The following TTN variants were observed in gnomAD, a reference collection of about 807,000 sequenced individuals.
TTN encodes titin, also known as connectin.
Under a neutral mutation model 3,223.0 loss-of-function variants are expected in TTN, and 1,525 were observed. The observed-to-expected ratio is 0.47, with a 90% CI of 0.45 to 0.49. TTN has a LOEUF of 0.49. Among genes scored for constraint, TTN ranks in the 20% least tolerant of loss-of-function variants. The pLI, the probability that TTN is intolerant of heterozygous loss-of-function variation, is 0.00. For missense variants in TTN, 40,786 were observed against 43,424.0 expected (o/e 0.94, Z 5.40); for synonymous variants, 14,094 against 15,161.0 (o/e 0.93, Z 5.17).
At position 178,777,410 on chromosome 2, in the gene TTN, C is replaced by G; in HGVS notation, c.4645+10G>C. 6.2e-7 allele frequency: 1 copy of G among 1,612,576 alleles called. No individual in the cohort carries two copies. Among genetic ancestry groups the G allele is most frequent in the Non-Finnish European group, 8.5e-7 (1 of 1,179,314 alleles). ...GAAAATTCATTTATTTTTATTTTAT[C>G]TCATTTTACCTTCCACAGTTAAAAT... On this transcript the variant is annotated intron_variant, in intron 26 of 362. Transcript: ENST00000589042.
Position 178,775,625 on chromosome 2 carries a change from AT to A in TTN, c.6238del (p.Ile2080SerfsTer59). The A allele has an allele frequency of 6.2e-7, 1 of 1,614,076 alleles. No homozygotes were observed. Among genetic ancestry groups the A allele is most frequent in the Non-Finnish European group, 8.5e-7 (1 of 1,179,998 alleles). On this transcript the variant is annotated frameshift_variant, in exon 28 of 363. Transcript: ENST00000589042. LOFTEE classifies it high-confidence loss of function. ...TGTTTGGCTCTGGATTCTTTCGAAG[AT>A]TTTTGGAGCCTCCATACTAGGACTT... ...ELSPSMEAPK[I>X]FERIQSQTVG...
Position 178,575,533 on chromosome 2 carries a change from T to C in TTN, c.70599A>G (p.Pro23533=). The stretch of plus-strand genomic sequence containing the variant: ...TGATGTTAAGGCTGTCTGGTGGAGA[T>C]GGTGCTTCAGAGGCTTTTACGGGCT... ...TTEPVKASEA[P]SPPDSLNIMD... is the part of the protein sequence containing the mutation. The change falls in exon 326 of 363, where the codon CCA becomes CCG. Residue 23533 remains proline (P), a synonymous_variant. Coordinates refer to ENST00000589042, the MANE Select transcript of TTN (RefSeq NM_001267550.2). This position sits in a 1 kb window ranked among gnomAD's most constrained non-coding sequence, Gnocchi z 4.0. 6.2e-7 allele frequency: 1 copy of C among 1,613,694 alleles called. No homozygotes were observed. The highest frequency in any genetic ancestry group is 8.5e-7 in the Non-Finnish European group (1 of 1,179,678).
At position 178,561,563 on chromosome 2, in the gene TTN, T is replaced by C. The variant is rs1248103386; in HGVS notation, c.84569A>G (p.His28190Arg). ...GCTGCTTCTTTCTTTATACTCAAGA[T>C]GATAGCCAATTACTCGACTTCCTCC... Reference protein sequence around the residue: ...NDGGSRVIGYHLEYKERSSIL... With the variant: ...NDGGSRVIGYRLEYKERSSIL... The change falls in exon 326 of 363, where the codon CAT becomes CGT. Residue 28190 changes from histidine (H) to arginine (R), a missense_variant. Coordinates refer to ENST00000589042, the MANE Select transcript of TTN (RefSeq NM_001267550.2). 1.2e-6 allele frequency: 2 copies of C among 1,613,282 alleles called. No homozygotes were observed. The highest frequency in any genetic ancestry group is 2.2e-5 in the East Asian group (1 of 44,774).
In TTN at chr2:178,784,358, G is replaced by T. The variant is rs758664336; in HGVS notation, c.2494-7C>A. Reference sequence around the variant, plus strand: ...CACTACCGGCTATTGATGCCTACATGGAAACAGAGTCAGAAAATAAAGTCA... The same window carrying T: ...CACTACCGGCTATTGATGCCTACATTGAAACAGAGTCAGAAAATAAAGTCA... On this transcript the variant is annotated splice_polypyrimidine_tract_variant and splice_region_variant and intron_variant, in intron 15 of 362. Transcript: ENST00000589042. The T allele has an allele frequency of 2.2e-5, 36 of 1,613,716 alleles. No individual in the cohort carries two copies. The highest frequency in any genetic ancestry group is 2.8e-5 in the Non-Finnish European group (33 of 1,179,976).
intron 118 of TTN, 46 bp downstream of exon 118, chr2:178,693,876 C>T: frequency 6.4e-7 from 1 of 1,556,676 alleles, no homozygotes. Flanking sequence ...AAAAATCTGC[C>T]TAAAACCCTT....
chr2:178,584,805 A>G lies in TTN; in HGVS notation c.64836T>C (p.Ala21612=), dbSNP rs2154180096. 6.2e-7 allele frequency: 1 copy of G among 1,613,366 alleles called. No individual in the cohort carries two copies. The highest frequency in any genetic ancestry group is 1.3e-5 in the African/African-American group (1 of 74,970). The part of the protein sequence containing the change: ...VSRGDWVTAL[A]SVTKTSCRVG... ...CCCTGCAGGAAGTTTTTGTGACTGA[A>G]GCTAGAGCCGTGACCCAGTCACCTC... The change falls in exon 310 of 363, where the codon GCT becomes GCC. Residue 21612 remains alanine, a synonymous_variant. Coordinates refer to ENST00000589042, the MANE Select transcript of TTN (RefSeq NM_001267550.2).
In TTN at chr2:178,748,654, T is replaced by C. The variant is rs201945197; in HGVS notation, c.11311+4470A>G. On this transcript the variant is annotated intron_variant, in intron 47 of 362. Transcript: ENST00000589042. Reference sequence around the variant, plus strand: ...GGAATTTCACATCTGTGTGTTTTATTTGAGTGTGAAACTGCTTTAAGTCAA... The same window carrying C: ...GGAATTTCACATCTGTGTGTTTTATCTGAGTGTGAAACTGCTTTAAGTCAA... The C allele has an allele frequency of 1.1e-4, 180 of 1,612,850 alleles. 1 individual carries two copies. The highest frequency in any genetic ancestry group is 1.4e-4 in the Non-Finnish European group (166 of 1,179,336).
Position 178,580,431 on chromosome 2 carries a change from G to T in TTN, c.66948C>A (p.Asp22316Glu). The change falls in exon 317 of 363, where the codon GAC (aspartate) becomes GAA (glutamate). Residue 22316 changes from aspartate to glutamate, a missense_variant. Physicochemically the swap from Asp to Glu is conservative, Grantham distance 45 (BLOSUM62 2). Transcript: ENST00000589042. ...TCACATTTTCACAGCGCAAGAAAGT[G>T]TCAAAGTCAGTTGACTTTATGTCCA... ...IGLDIKSTDFDTFLRCENVNK... is the reference protein window; with the variant it reads ...IGLDIKSTDFETFLRCENVNK... 6.2e-7 allele frequency: 1 copy of T among 1,613,240 alleles called. No homozygotes were observed. The highest frequency in any genetic ancestry group is 8.5e-7 in the Non-Finnish European group (1 of 1,179,484).
In TTN at chr2:178,599,134, TCTC is replaced by T. The variant is rs1456166269; in HGVS notation, c.56647+9_56647+11del. On this transcript the variant is annotated intron_variant, in intron 290 of 362. Transcript: ENST00000589042. ...AAAATGGCTTTGTATGTGAAAATGT[TCTC>T]CTACTTACAGAAGAGGTTTCTTGCT... 1 of 1,510,110 alleles carries T rather than the reference TCTC, an allele frequency of 6.6e-7. No individual in the cohort carries two copies. Among genetic ancestry groups the T allele is most frequent in the Non-Finnish European group, 8.8e-7 (1 of 1,133,026 alleles). The allele number at this position is 1,510,110 out of a possible 1,614,324, so 93.5% of individuals were successfully genotyped here.
chr2:178,637,653 T>A (rs2060672819), intron 223 of TTN, among the ~76,000 whole-genome samples: 1 of 152,086 alleles, frequency 6.6e-6, no homozygotes, highest in African/African-American at 2.4e-5. Context: ...TTTCAGCAAG[T>A]GCCTTATTAT....
Position 178,589,487 on chromosome 2 carries a change from C to T in TTN, c.62238G>A (p.Lys20746=), listed in dbSNP as rs2049765479. ...NQIYEFRVQT[K]NEGGESDWVK... is the part of the protein sequence containing the mutation. ...CCCAGTCACTTTCCCCACCTTCATT[C>T]TTTGTTTGCACTCTGAACTCATAAA... The change falls in exon 304 of 363, where the codon AAG becomes AAA. Residue 20746 remains lysine (K), a synonymous_variant. Coordinates refer to ENST00000589042, the MANE Select transcript of TTN (RefSeq NM_001267550.2). 6.2e-7 allele frequency: 1 copy of T among 1,613,272 alleles called. No homozygotes were observed. Among genetic ancestry groups the T allele is most frequent in the Non-Finnish European group, 8.5e-7 (1 of 1,179,642 alleles).
chr2:178,717,171 G>C lies in TTN; in HGVS notation c.25563C>G (p.Gly8521=), dbSNP rs556205722. The C allele has an allele frequency of 6.2e-7, 1 of 1,613,606 alleles. No homozygotes were observed. The highest frequency in any genetic ancestry group is 8.5e-7 in the Non-Finnish European group (1 of 1,179,654). The change falls in exon 88 of 363, where the codon GGC becomes GGG. Residue 8521 remains glycine, a synonymous_variant. Transcript: ENST00000589042. ...ATLTVLKVGK[G]DAGQYTCYAS... is the part of the protein sequence containing the mutation. ...CATAGCAGGTGTACTGCCCGGCATC[G>C]CCTTTGCCTACTTTGAGAACTGTCA... is the stretch of plus-strand genomic sequence containing the variant.
chr2:178,795,979 T>C (rs1157141941), intron 6 of TTN, among the ~76,000 whole-genome samples: 2 of 152,250 alleles, frequency 1.3e-5, no homozygotes, highest in African/African-American at 4.8e-5. Context: ...TTTAGAGTTA[T>C]TGTGGGAATT....
At position 178,550,986 on chromosome 2, in the gene TTN, A is replaced by C; in HGVS notation, c.91545T>G (p.Ile30515Met). 6.2e-7 allele frequency: 1 copy of C among 1,613,028 alleles called. No homozygotes were observed. The highest frequency in any genetic ancestry group is 1.1e-5 in the South Asian group (1 of 91,028). The change falls in exon 336 of 363, where the codon ATT becomes ATG. Residue 30515 changes from isoleucine (I) to methionine (M), a missense_variant. Transcript: ENST00000589042. The stretch of plus-strand genomic sequence containing the variant: ...GCTTACCATTTTCATCTCTTGTCAT[A>C]ATAATGCCAGAAGACTGTGAGGGCG... ...ISPPSQSSGI[I>M]MTRDENVPPI...
rs749746536 is a variant in TTN at position 178,735,005 on chromosome 2, A to G, written c.14936-17T>C. ...ATGGTGGCTCTACATGAAGTTTACA[A>G]AAAAGAAAAAGGAGAAGATATCTGA... On this transcript the variant is annotated splice_polypyrimidine_tract_variant and intron_variant, in intron 50 of 362. Coordinates refer to ENST00000589042, the MANE Select transcript of TTN (RefSeq NM_001267550.2). 1.3e-6 allele frequency: 2 copies of G among 1,516,700 alleles called. No homozygotes were observed. The highest frequency in any genetic ancestry group is 1.8e-6 in the Non-Finnish European group (2 of 1,132,356). 94.0% of individuals were successfully genotyped at this position (1,516,700 alleles called of 1,614,324 possible). A position where few individuals can be genotyped will look rare whatever the true frequency, so the allele number is the denominator to read the frequency against.
chr2:178,605,309 A>G lies in TTN; in HGVS notation c.53882-14T>C. 6.5e-7 allele frequency: 1 copy of G among 1,549,300 alleles called. No individual in the cohort carries two copies. The highest frequency in any genetic ancestry group is 8.7e-7 in the Non-Finnish European group (1 of 1,150,662). On this transcript the variant is annotated splice_polypyrimidine_tract_variant and intron_variant, in intron 279 of 362. Transcript: ENST00000589042. ...TAGTTGGAGGCACTGCAAAGAGAAG[A>G]GAAAGAAAAACAGTAACAAAGTCAT...
At position 178,591,609 on chromosome 2, in the gene TTN, T is replaced by G. The variant is rs1204026103; in HGVS notation, c.60210A>C (p.Gln20070His). 1 of 1,611,178 alleles carries G rather than the reference T, an allele frequency of 6.2e-7. No individual in the cohort carries two copies. The highest frequency in any genetic ancestry group is 8.5e-7 in the Non-Finnish European group (1 of 1,179,110). ...TAGTCCAAAAATTACCTAGTTTTTC[T>G]TGACATTCTATCGGGATAGTTGTGT... ...LPDTTIPIEC[Q>H]EKLVPPSVEL... The change falls in exon 303 of 363, where the codon CAA becomes CAC. Residue 20070 changes from glutamine (Q) to histidine (H), a missense_variant. By Grantham distance (24) the Gln-to-His change is conservative. Transcript: ENST00000589042.
In TTN at chr2:178,636,837, C is replaced by A; in HGVS notation, c.40928-38G>T. ...AAAATAAAAAGTTGATTTGGCATCT[C>A]CTTAGGAGTCAGAAAGTTCATACTT... On this transcript the variant is annotated intron_variant, in intron 224 of 362. Transcript: ENST00000589042. This position sits in a 1 kb window ranked among gnomAD's most constrained non-coding sequence, Gnocchi z 4.3. 2 of 1,516,586 alleles carry A rather than the reference C, an allele frequency of 1.3e-6. No individual in the cohort carries two copies. Among genetic ancestry groups the A allele is most frequent in the African/African-American group, 1.4e-5 (1 of 71,814 alleles). 93.9% of individuals were successfully genotyped at this position (1,516,586 alleles called of 1,614,324 possible).
At position 178,621,659 on chromosome 2, in the gene TTN, G is replaced by T. The variant is rs766007773; in HGVS notation, c.45165C>A (p.Ser15055=). 6.2e-7 allele frequency: 1 copy of T among 1,612,260 alleles called. No homozygotes were observed. The highest frequency in any genetic ancestry group is 1.1e-5 in the South Asian group (1 of 91,046). The part of the protein sequence containing the change: ...TDTIKLVCEV[S]KPGAEVIWYK... ...ACCAAATCACTTCTGCGCCAGGTTT[G>T]GAGACTTCACAAACCAGTTTTATAG... Residue 15055 remains serine, a synonymous_variant, in exon 245 of 363, where the codon TCC becomes TCA. Transcript: ENST00000589042.
Sources: gnomAD v4.1 joint callset for allele counts (sites outside exome capture counted in the v4.1 genomes callset) on GRCh38, gnomAD v4.1.1 for gene constraint, Gnocchi (gnomAD v3.1) non-coding constraint, MANE v1.5 for transcripts, NCBI Gene and HGNC (gene_info 2026-07-23, HGNC 2026-07-21) for gene names.